Variants in NBAS observed in about 807,000 individuals in gnomAD.
The protein encoded by NBAS is NAG/BC035112 fusion.
NBAS carries 219 observed loss-of-function variants against 302.5 expected under a neutral mutation model. That is an observed-to-expected ratio of 0.72 (90% CI 0.65 to 0.81). The LOEUF is 0.81. Among genes scored for constraint, NBAS ranks in the 30% least tolerant of loss-of-function variants. The probability of loss-of-function intolerance (pLI) is 0.00; values close to 1 mark genes in which losing one functional copy is unlikely to be tolerated. For missense variants in NBAS, 2,932 were observed against 2,841.6 expected, an observed-to-expected ratio of 1.03 and a Z score of -0.72; for synonymous variants, 1,118 against 1,021.6, an observed-to-expected ratio of 1.09 and a Z score of -1.80.
At chr2:15,411,073 C>T (rs550540482) in intron 25 of NBAS, among the ~76,000 whole-genome samples, 15 of 152,246 alleles carry the variant, frequency 9.9e-5, no homozygotes, top group African/African-American at 3.4e-4. Context: ...TACCCCTCCT[C>T]GGTGGATGGC....
At chr2:15,276,762 C>G (rs1312396733) in intron 43 of NBAS, 89 bp downstream of exon 43, 3 of 1,594,770 alleles carry the variant, frequency 1.9e-6, no homozygotes, top group Middle Eastern at 1.7e-4. Flanking sequence ...GCTCTGCAAC[C>G]ATAATGCATG....
the NBAS span, among the ~76,000 whole-genome samples, chr2:14,779,624 C>T: frequency 3.3e-5 from 5 of 152,160 alleles, no homozygotes; most frequent in Admixed American, 3.3e-4. Context: ...CTTTAGTTCT[C>T]ACCTTATCAG....
chr2:15,403,268 A>G (rs927387329), intron 25 of NBAS, among the ~76,000 whole-genome samples: 1 of 152,188 alleles, frequency 6.6e-6, no homozygotes, highest in African/African-American at 2.4e-5. Context: ...AATCACATCA[A>G]TGGACGTAAA....
At chr2:14,912,430 A>G in the NBAS span, among the ~76,000 whole-genome samples, 7 of 152,176 alleles carry the variant, frequency 4.6e-5, no homozygotes, top group Non-Finnish European at 8.8e-5. Context: ...CAAAGTACTA[A>G]CTATTCCAGT....
the NBAS span, among the ~76,000 whole-genome samples, chr2:14,894,330 G>A: frequency 1.3e-5 from 2 of 152,166 alleles, no homozygotes; most frequent in Non-Finnish European, 2.9e-5. Flanking sequence ...ATGCAATCCA[G>A]AATGGAGCAG....
chr2:14,898,759 T>A, the NBAS span, among the ~76,000 whole-genome samples: 5 of 152,056 alleles, frequency 3.3e-5, no homozygotes, highest in East Asian at 9.7e-4. Flanking sequence ...ACCATGATTA[T>A]GAGGCTTCCC....
chr2:15,252,005 C>T (rs751431727), intron 44 of NBAS, among the ~76,000 whole-genome samples: 9 of 152,140 alleles, frequency 5.9e-5, no homozygotes, highest in Non-Finnish European at 8.8e-5. Flanking sequence ...CATGAGGAAG[C>T]GCCCTGCATA....
chr2:14,943,560 C>A, the NBAS span, among the ~76,000 whole-genome samples: 17 of 152,128 alleles, frequency 1.1e-4, no homozygotes, highest in Non-Finnish European at 2.4e-4. Context: ...TAATGCATCA[C>A]CTTCCAGTAA....
intron 38 of NBAS, among the ~76,000 whole-genome samples, chr2:15,326,835 GGGAAGT>G (rs1672092001): frequency 6.6e-6 from 1 of 152,108 alleles, no homozygotes; most frequent in Non-Finnish European, 1.5e-5. Flanking sequence ...ACAGTGGATA[GGGAAGT>G]GGTATTTGCC....
chr2:15,160,585 C>CGGGGGGGGGGGGGGGGGGGGG, the NBAS span, among the ~76,000 whole-genome samples: 3 of 92,300 alleles, frequency 3.3e-5, no homozygotes, highest in Admixed American at 2.3e-4. Flanking sequence ...CCAGTGTGGG[C>CGGGGGGGGGGGGGGGGGGGGG]GGGGGGAGGG....
the NBAS span, among the ~76,000 whole-genome samples, chr2:14,896,340 T>C: frequency 6.6e-6 from 1 of 152,190 alleles, no homozygotes; most frequent in Non-Finnish European, 1.5e-5. Context: ...CAAACTAGTA[T>C]GTGTATTAAG....
At chr2:14,916,772 G>A in the NBAS span, among the ~76,000 whole-genome samples, 1 of 152,116 alleles carries the variant, frequency 6.6e-6, no homozygotes, top group Non-Finnish European at 1.5e-5. Context: ...TTCAGATATG[G>A]CTAAGTCTAC....
intron 48 of NBAS, among the ~76,000 whole-genome samples, chr2:15,203,890 TTGTGTGTGTGTGTGTG>T (rs143962413): frequency 1.5e-5 from 2 of 129,460 alleles, no homozygotes; most frequent in African/African-American, 2.8e-5. Flanking sequence ...GTGTGTGTGC[TTGTGTGTGTGTGTGTG>T]TGTGTGTGTG....
chr2:15,441,433 AT>A (rs1678397310), intron 21 of NBAS, among the ~76,000 whole-genome samples: 1 of 150,572 alleles, frequency 6.6e-6, no homozygotes, highest in South Asian at 2.2e-4. Flanking sequence ...GAGAAATAAA[AT>A]ACTTTACAGA....
chr2:15,016,392 T>C, the NBAS span, among the ~76,000 whole-genome samples: 2 of 152,162 alleles, frequency 1.3e-5, no homozygotes, highest in South Asian at 2.1e-4. Context: ...AGACAAACTA[T>C]ATCATCTTGT....
At chr2:14,953,294 A>T in the NBAS span, among the ~76,000 whole-genome samples, 2 of 152,352 alleles carry the variant, frequency 1.3e-5, no homozygotes, top group East Asian at 3.9e-4. Context: ...AGTCAGGGCC[A>T]AGGCAGTAAG....
chr2:15,183,579 T>A (rs964327410), intron 50 of NBAS, among the ~76,000 whole-genome samples: 1 of 152,202 alleles, frequency 6.6e-6, no homozygotes, highest in African/African-American at 2.4e-5. Context: ...AGAACTAGCA[T>A]TTTCTCATCC....
the NBAS span, among the ~76,000 whole-genome samples, chr2:14,863,592 C>T: frequency 4.6e-5 from 7 of 152,328 alleles, no homozygotes; most frequent in South Asian, 2.1e-4. Context: ...TGTGGTTTCA[C>T]GGCTGCTCCA....
intron 44 of NBAS, among the ~76,000 whole-genome samples, chr2:15,268,147 G>C (rs1045328806): frequency 6.6e-6 from 1 of 152,214 alleles, no homozygotes; most frequent in Non-Finnish European, 1.5e-5. Context: ...GGCCCATAAA[G>C]CAGGAAGCTC....
Sources: gnomAD v4.1 joint callset for allele counts (sites outside exome capture counted in the v4.1 genomes callset) on GRCh38, gnomAD v4.1.1 for gene constraint, MANE v1.5 for transcripts, NCBI Gene and HGNC (gene_info 2026-07-23, HGNC 2026-07-21) for gene names.